The following TBCD variants were observed in gnomAD, a reference collection of about 807,000 sequenced individuals.
TBCD encodes tubulin-specific chaperone D.
A neutral mutation model predicts 169.3 loss-of-function variants in TBCD; 105 were observed. The observed-to-expected ratio is 0.62, with a 90% CI of 0.53 to 0.73. The LOEUF (loss-of-function observed/expected upper bound fraction) is 0.73. TBCD is among the 30% of genes least tolerant of loss of function. The pLI is 0.00. For synonymous variants in TBCD, 700 were observed against 643.9 expected, an observed-to-expected ratio of 1.09 and a Z score of -1.32; for missense variants, 1,444 against 1,600.1, an observed-to-expected ratio of 0.90 and a Z score of 1.66.
At chr17:82,775,024 C>A (rs1341067065) in intron 6 of TBCD, among the ~76,000 whole-genome samples, 3 of 152,234 alleles carry the variant, frequency 2.0e-5, no homozygotes, top group African/African-American at 7.2e-5. Flanking sequence ...CCGAGCTTGG[C>A]TCTGTGGAGT....
intron 13 of TBCD, among the ~76,000 whole-genome samples, chr17:82,824,877 G>A (rs1054130752): frequency 6.6e-6 from 1 of 152,064 alleles, no homozygotes; most frequent in Non-Finnish European, 1.5e-5. Context: ...TAAAAATTAC[G>A]AGTGTTTAGT....
Position 82,930,697 on chromosome 17 carries a change from C to T in TBCD, c.3113+54C>T. 6.2e-7 allele frequency: 1 copy of T among 1,610,180 alleles called. No individual in the cohort carries two copies. Among genetic ancestry groups the T allele is most frequent in the Non-Finnish European group, 8.5e-7 (1 of 1,177,710 alleles). On this transcript the variant is annotated intron_variant, in intron 33 of 38. Coordinates refer to ENST00000355528, the MANE Select transcript of TBCD (RefSeq NM_005993.5). The surrounding 1 kb of genome is among the most constrained non-coding windows in gnomAD (Gnocchi z 5.2). The stretch of plus-strand genomic sequence containing the variant: ...GCGTGAGTGGTGCTGGTGCCTCTCA[C>T]CACGTTCCCACAGATTCCCGGGGTC...
At chr17:82,769,261 C>T (rs1362442938) in intron 5 of TBCD, among the ~76,000 whole-genome samples, 1 of 152,208 alleles carries the variant, frequency 6.6e-6, no homozygotes, top group Non-Finnish European at 1.5e-5. Flanking sequence ...TGGGCCCCTC[C>T]AACTTAGTGA....
At chr17:82,838,335 TAAA>T (rs11370957) in intron 13 of TBCD, among the ~76,000 whole-genome samples, 1 of 149,960 alleles carries the variant, frequency 6.7e-6, no homozygotes, top group African/African-American at 2.5e-5. Context: ...AAAGAGTTCT[TAAA>T]AAAAAAAACT....
In TBCD at chr17:82,874,672, G is replaced by A. The variant is rs942109877; in HGVS notation, c.1475+4292G>A. Among the ~76,000 whole-genome samples, 1 of 152,198 alleles carries A rather than the reference G, an allele frequency of 6.6e-6. No individual in the cohort carries two copies. The highest frequency in any genetic ancestry group is 2.1e-4 in the South Asian group (1 of 4,838). ...CCTCCTTGGCCCACGCAGACTCCAG[G>A]CATCCGGCCGGGCGGGCTGTGAGTC... On this transcript the variant is annotated intron_variant, in intron 14 of 38. Transcript: ENST00000355528. This position sits in a 1 kb window ranked among gnomAD's most constrained non-coding sequence, Gnocchi z 5.0.
At chr17:82,888,548 G>A (rs1420863246) in intron 15 of TBCD, among the ~76,000 whole-genome samples, 2 of 152,214 alleles carry the variant, frequency 1.3e-5, no homozygotes, top group Non-Finnish European at 2.9e-5. Flanking sequence ...TTGCAAAGCA[G>A]CAGTCAGGCC....
intron 1 of TBCD, among the ~76,000 whole-genome samples, chr17:82,755,803 G>T (rs1206658127): frequency 6.6e-6 from 1 of 152,198 alleles, no homozygotes; most frequent in Non-Finnish European, 1.5e-5. Flanking sequence ...TGTCTCACAA[G>T]GACAGAGTTG....
chr17:82,888,051 A>G (rs918785694), intron 15 of TBCD, among the ~76,000 whole-genome samples: 9 of 152,302 alleles, frequency 5.9e-5, no homozygotes, highest in African/African-American at 1.9e-4. Context: ...CGTCCTCTTC[A>G]TAGGGCAAGA....
chr17:82,809,885 C>A, intron 12 of TBCD, 103 bp downstream of exon 12: 1 of 1,008,404 alleles, frequency 9.9e-7, no homozygotes, highest in African/African-American at 1.6e-5. Flanking sequence ...AGCTGTTTGT[C>A]AGAACTCCAG....
At chr17:82,869,818 T>TCTCTCCCTCCCCTGAACCGGCGGCGC (rs373934855) in intron 13 of TBCD, among the ~76,000 whole-genome samples, 3,808 of 152,068 alleles carry the variant, frequency 0.025, 179 homozygotes, top group African/African-American at 0.087. Context: ...GGCATCTGCG[T>TCTCTCCCTCCCCTGAACCGGCGGCGC]CTCTCCCTCC....
chr17:82,920,889 G>C lies in TBCD; in HGVS notation c.2101+271G>C, dbSNP rs181812556. 1,943 of 469,440 alleles carry C rather than the reference G, an allele frequency of 4.1e-3. 7 individuals carry two copies. Among genetic ancestry groups the C allele is most frequent in the Non-Finnish European group, 5.4e-3 (1,422 of 263,324 alleles). 29.1% of individuals were successfully genotyped at this position (469,440 alleles called of 1,614,324 possible). ...CCATGCCCAGGGCCCGGCACTCTGG[G>C]TCAGTTCTTCTCCCAGGCAGACAGT... On this transcript the variant is annotated intron_variant, in intron 24 of 38. Coordinates refer to ENST00000355528, the MANE Select transcript of TBCD (RefSeq NM_005993.5). The surrounding 1 kb of genome is among the most constrained non-coding windows in gnomAD (Gnocchi z 4.1).
intron 13 of TBCD, chr17:82,865,419 A>G: frequency 1.0e-6 from 1 of 968,080 alleles, no homozygotes; most frequent in Non-Finnish European, 1.2e-6. Context: ...AGTGCTCTGC[A>G]GGGGCCTGAG....
intron 3 of TBCD, among the ~76,000 whole-genome samples, chr17:82,766,042 G>A (rs1322451379): frequency 6.6e-6 from 1 of 151,958 alleles, no homozygotes; most frequent in Non-Finnish European, 1.5e-5. Flanking sequence ...CTTTTGCCTC[G>A]GCCTCCCAAA....
chr17:82,792,798 T>G (rs879300345), intron 7 of TBCD, among the ~76,000 whole-genome samples: 6 of 152,302 alleles, frequency 3.9e-5, no homozygotes, highest in African/African-American at 7.2e-5. Context: ...TTGTGTGAAA[T>G]TACCTTTTTT....
At chr17:82,756,962 T>C (rs1479751227) in intron 2 of TBCD, among the ~76,000 whole-genome samples, 2 of 152,222 alleles carry the variant, frequency 1.3e-5, no homozygotes, top group Non-Finnish European at 2.9e-5. Context: ...GAGGCTCGGT[T>C]TTCTTACTTT....
At chr17:82,825,092 C>T (rs1198663838) in intron 13 of TBCD, among the ~76,000 whole-genome samples, 1 of 152,088 alleles carries the variant, frequency 6.6e-6, no homozygotes, top group Non-Finnish European at 1.5e-5. Context: ...TGTAGCTCGC[C>T]ATGCATCAGG....
intron 15 of TBCD, among the ~76,000 whole-genome samples, chr17:82,886,882 A>G (rs1358141212): frequency 6.6e-6 from 1 of 151,016 alleles, no homozygotes; most frequent in African/African-American, 2.4e-5. Context: ...GTTGGCCAGG[A>G]TGGTCTCGAA....
Position 82,944,974 on chromosome 17 carries a change from TC to T in TBCD, c.*2515del, listed in dbSNP as rs2063585804. On this transcript the variant is annotated 3_prime_UTR_variant, in exon 39 of 39. Transcript: ENST00000355528. ...GCCTGAATTAATACTACCTGTATGA[TC>T]CCCAAAACTCCTAAAGTGGAAAATT... 1 of 152,214 alleles carries T rather than the reference TC, an allele frequency of 6.6e-6. No homozygotes were observed. The highest frequency in any genetic ancestry group is 1.5e-5 in the Non-Finnish European group (1 of 68,044). The allele number at this position is 152,214 out of a possible 1,614,324, so 9.4% of individuals were successfully genotyped here.
chr17:82,900,083 A>C (rs927561855), intron 17 of TBCD, among the ~76,000 whole-genome samples: 1 of 152,216 alleles, frequency 6.6e-6, no homozygotes, highest in Non-Finnish European at 1.5e-5. Context: ...GCTTTACTGA[A>C]GTGCAGCTGG....
Sources: allele counts gnomAD v4.1 joint callset (sites outside exome capture counted in the v4.1 genomes callset), GRCh38; gene constraint gnomAD v4.1.1; non-coding constraint Gnocchi (gnomAD v3.1); transcripts MANE v1.5; gene names NCBI Gene and HGNC (gene_info 2026-07-23, HGNC 2026-07-21).